Variants in MTUS2 observed in about 807,000 individuals in gnomAD.
MTUS2 encodes the protein microtubule associated scaffold protein 2, also known as microtubule-associated tumor suppressor candidate 2.
Under a neutral mutation model 114.1 loss-of-function variants are expected in MTUS2, and 40 were observed. That is an observed-to-expected ratio of 0.35 (90% confidence interval 0.27 to 0.46). The LOEUF is 0.46. Ranked by LOEUF, MTUS2 falls within the 20% of genes least tolerant of loss-of-function variation. The pLI is 1.00. For synonymous variants in MTUS2, 688 were observed against 672.0 expected (o/e 1.02, Z -0.37); for missense variants, 1,679 against 1,705.4 (o/e 0.98, Z 0.27).
chr13:28,979,448 A>T (rs1267397735), intron 2 of MTUS2, among the ~76,000 whole-genome samples: 2 of 152,136 alleles, frequency 1.3e-5, no homozygotes, highest in Non-Finnish European at 2.9e-5. Flanking sequence ...TAAAGAATAT[A>T]CTGGATTTCT....
intron 9 of MTUS2, among the ~76,000 whole-genome samples, chr13:29,461,623 G>T (rs947543741): frequency 1.3e-5 from 2 of 152,180 alleles, no homozygotes; most frequent in African/African-American, 4.8e-5. Flanking sequence ...GGCCACATTT[G>T]CATGGAGTTG....
intron 9 of MTUS2, among the ~76,000 whole-genome samples, chr13:29,478,003 C>T (rs943187812): frequency 1.3e-5 from 2 of 152,154 alleles, no homozygotes; most frequent in African/African-American, 2.4e-5. Context: ...AATATTCCTG[C>T]CAAACAGGCA....
intron 2 of MTUS2, among the ~76,000 whole-genome samples, chr13:28,876,146 A>G (rs1464980501): frequency 1.3e-5 from 2 of 152,182 alleles, no homozygotes; most frequent in Non-Finnish European, 1.5e-5. Flanking sequence ...TAGTCAGTGC[A>G]CAATTTCCTT....
chr13:29,439,254 C>A (rs200742288), intron 8 of MTUS2, among the ~76,000 whole-genome samples: 1 of 152,260 alleles, frequency 6.6e-6, no homozygotes, highest in South Asian at 2.1e-4. Flanking sequence ...GACTCAATAA[C>A]GCAGATTACA....
intron 2 of MTUS2, among the ~76,000 whole-genome samples, chr13:28,884,832 AT>A (rs143510868): frequency 0.019 from 2,948 of 152,108 alleles, 89 homozygotes; most frequent in African/African-American, 0.062. Flanking sequence ...CAAATAACAC[AT>A]TTTTTTTGTT....
intron 5 of MTUS2, among the ~76,000 whole-genome samples, chr13:29,187,941 A>T (rs1894291285): frequency 6.6e-6 from 1 of 152,232 alleles, no homozygotes. Flanking sequence ...ACAATGAAAC[A>T]ACCTGGGAAG....
intron 8 of MTUS2, among the ~76,000 whole-genome samples, chr13:29,391,956 G>GA (rs1373279186): frequency 6.6e-6 from 1 of 151,666 alleles, no homozygotes; most frequent in African/African-American, 2.4e-5. Flanking sequence ...CCAACATGGT[G>GA]AAACCTGTCT....
intron 15 of MTUS2, among the ~76,000 whole-genome samples, chr13:29,502,289 G>A (rs183617731): frequency 6.6e-5 from 10 of 152,354 alleles, no homozygotes; most frequent in African/African-American, 1.9e-4. Flanking sequence ...TTCCTCAGAG[G>A]TGCTGTCATT....
chr13:29,469,403 T>C (rs528104789), intron 9 of MTUS2, among the ~76,000 whole-genome samples: 2 of 151,942 alleles, frequency 1.3e-5, no homozygotes, highest in Non-Finnish European at 1.5e-5. Flanking sequence ...CCGAGGCTGG[T>C]GGATCACGAG....
intron 5 of MTUS2, among the ~76,000 whole-genome samples, chr13:29,130,923 C>T (rs935416364): frequency 6.6e-6 from 1 of 152,172 alleles, no homozygotes; most frequent in African/African-American, 2.4e-5. Flanking sequence ...TGCAACCAGC[C>T]TATTTATTTT....
intron 9 of MTUS2, among the ~76,000 whole-genome samples, chr13:29,443,148 A>G (rs986042402): frequency 5.9e-5 from 9 of 152,212 alleles, no homozygotes; most frequent in Admixed American, 5.2e-4. Context: ...ATAAAATGGA[A>G]AGTCAATTAA....
At chr13:29,319,181 A>G (rs1339070569) in intron 6 of MTUS2, among the ~76,000 whole-genome samples, 1 of 152,170 alleles carries the variant, frequency 6.6e-6, no homozygotes, top group Non-Finnish European at 1.5e-5. Context: ...CCGGCATTGT[A>G]TTATTCAGCT....
Position 29,425,283 on chromosome 13 carries a change from C to T in MTUS2, c.3118-14700C>T, listed in dbSNP as rs1490753348. ...CAAGAATTACCTGGGCGTGATGGCA[C>T]GCACCTGTAATCCCAGCTACTTGGG... On this transcript the variant is annotated intron_variant, in intron 8 of 15. Coordinates refer to ENST00000612955, the MANE Select transcript of MTUS2 (RefSeq NM_001033602.4). Among the ~76,000 whole-genome samples the T allele has an allele frequency of 2.6e-5, 4 of 152,002 alleles. No homozygotes were observed. In the East Asian group the frequency reaches 7.7e-4, roughly 29 times the overall value.
chr13:29,389,595 G>A lies in MTUS2; in HGVS notation c.3117+30122G>A, dbSNP rs1344083637. On this transcript the variant is annotated intron_variant, in intron 8 of 15. Transcript: ENST00000612955. ...CATATGTGTGTATACGTATACATAT[G>A]TGTGTATACGTATACATATGTGTGT... Among the ~76,000 whole-genome samples the A allele has an allele frequency of 8.9e-5, 12 of 134,218 alleles. 1 individual carries two copies. The highest frequency in any genetic ancestry group is 6.7e-4 in the Admixed American group (9 of 13,482). 88.1% of individuals were successfully genotyped at this position (134,218 alleles called of 152,430 possible).
chr13:29,367,142 T>C (rs1870787567), intron 8 of MTUS2, among the ~76,000 whole-genome samples: 1 of 151,354 alleles, frequency 6.6e-6, no homozygotes, highest in African/African-American at 2.4e-5. Flanking sequence ...GACAACAGAG[T>C]GGACTGTGAA....
intron 5 of MTUS2, among the ~76,000 whole-genome samples, chr13:29,203,605 C>G (rs1027309430): frequency 4.0e-5 from 6 of 150,642 alleles, no homozygotes; most frequent in Admixed American, 6.6e-5. Flanking sequence ...TCAGTGTCTA[C>G]CAAATGGCTG....
At chr13:28,941,745 T>C (rs1882251722) in intron 2 of MTUS2, among the ~76,000 whole-genome samples, 1 of 152,204 alleles carries the variant, frequency 6.6e-6, no homozygotes, top group African/African-American at 2.4e-5. Context: ...TGGAAAGTGG[T>C]AGTTTCTTAA....
intron 5 of MTUS2, among the ~76,000 whole-genome samples, chr13:29,203,662 A>G (rs139241971): frequency 2.7e-3 from 404 of 151,902 alleles, no homozygotes; most frequent in Non-Finnish European, 4.7e-3. Context: ...ATAGGCACCC[A>G]AGGGAATCTC....
intron 9 of MTUS2, among the ~76,000 whole-genome samples, chr13:29,472,335 T>A (rs1440501664): frequency 1.3e-5 from 2 of 152,196 alleles, no homozygotes; most frequent in African/African-American, 4.8e-5. Flanking sequence ...GTCCATGAAC[T>A]TTCATCCTTC....
Sources: allele counts gnomAD v4.1 joint callset (sites outside exome capture counted in the v4.1 genomes callset), GRCh38; gene constraint gnomAD v4.1.1; transcripts MANE v1.5; gene names NCBI Gene and HGNC (gene_info 2026-07-23, HGNC 2026-07-21).